Variants in JPT2 observed in about 807,000 individuals in gnomAD.
The protein encoded by JPT2 is Jupiter microtubule associated homolog 2.
Under a neutral mutation model 15.9 loss-of-function variants are expected in JPT2, and 9 were observed. The ratio of observed to expected loss-of-function variants is 0.57; its 90% CI spans 0.34 to 0.99. JPT2 has a LOEUF of 0.99. Among genes scored for constraint, JPT2 ranks in the 50% least tolerant of loss-of-function variants. JPT2 has a pLI of 0.02. For missense variants in JPT2, 267 were observed against 252.1 expected (o/e 1.06, Z -0.40); for synonymous variants, 95 against 91.7 (o/e 1.04, Z -0.21).
intron 2 of JPT2, among the ~76,000 whole-genome samples, chr16:1,687,828 C>T (rs1428934491): frequency 3.3e-5 from 5 of 152,182 alleles, no homozygotes; most frequent in African/African-American, 4.8e-5. Context: ...TTGTGTTCAC[C>T]ACCCAACGAG....
In JPT2 at chr16:1,700,013, T is replaced by A; in HGVS notation, c.*1015T>A. 3.0e-6 allele frequency: 1 copy of A among 333,942 alleles called. No homozygotes were observed. Among genetic ancestry groups the A allele is most frequent in the Non-Finnish European group, 6.3e-6 (1 of 157,836 alleles). 20.7% of individuals were successfully genotyped at this position (333,942 alleles called of 1,614,324 possible). A position where few individuals can be genotyped will look rare whatever the true frequency, so the allele number is the denominator to read the frequency against. On this transcript the variant is annotated 3_prime_UTR_variant, in exon 5 of 5. Coordinates refer to ENST00000248098, the MANE Select transcript of JPT2 (RefSeq NM_144570.3). ...TTTAATAATATCTAAAAAGCTAAATTTTAAATACCAGCTTTACATAAATGA... is the reference window on the plus strand; with the variant it reads ...TTTAATAATATCTAAAAAGCTAAATATTAAATACCAGCTTTACATAAATGA...
chr16:1,698,699 A>G lies in JPT2; in HGVS notation c.386-112A>G. 9.8e-7 allele frequency: 1 copy of G among 1,021,696 alleles called. No individual in the cohort carries two copies. The highest frequency in any genetic ancestry group is 1.4e-6 in the Non-Finnish European group (1 of 706,272). 63.3% of individuals were successfully genotyped at this position (1,021,696 alleles called of 1,614,324 possible). A position where few individuals can be genotyped will look rare whatever the true frequency, so the allele number is the denominator to read the frequency against. ...ATATTGTCTTCTCTTTCCCAGTTAC[A>G]GCATGAATTTCTTGCAGGTTGCTCT... On this transcript the variant is annotated intron_variant, in intron 4 of 4. Transcript: ENST00000248098. This position sits in a 1 kb window ranked among gnomAD's most constrained non-coding sequence, Gnocchi z 4.9.
chr16:1,687,120 C>G (rs2037072604), intron 2 of JPT2, among the ~76,000 whole-genome samples: 1 of 152,110 alleles, frequency 6.6e-6, no homozygotes, highest in South Asian at 2.1e-4. Flanking sequence ...GTGGCTGGGA[C>G]TACGGGCGTA....
intron 1 of JPT2, among the ~76,000 whole-genome samples, chr16:1,683,198 G>T (rs1176896007): frequency 6.6e-6 from 1 of 152,142 alleles, no homozygotes; most frequent in Admixed American, 6.5e-5. Context: ...GGATGGTCTC[G>T]ATCTCCTGAC....
rs564158723 is a variant in JPT2 at position 1,683,126 on chromosome 16, G to A, written c.45-2313G>A. Among the ~76,000 whole-genome samples, 522 of 152,092 alleles carry A rather than the reference G, an allele frequency of 3.4e-3. 1 individual carries two copies. Among genetic ancestry groups the A allele is most frequent in the African/African-American group, 0.012 (478 of 41,480 alleles). Reference sequence around the variant, plus strand: ...TGAGTAGCTGGGACTACAGGCGTCCGCCACCACGCCCGGCTAATTTTTTGT... The same window carrying A: ...TGAGTAGCTGGGACTACAGGCGTCCACCACCACGCCCGGCTAATTTTTTGT... On this transcript the variant is annotated intron_variant, in intron 1 of 4. Transcript: ENST00000248098.
intron 2 of JPT2, among the ~76,000 whole-genome samples, chr16:1,687,526 A>G (rs1596506759): frequency 6.6e-6 from 1 of 152,148 alleles, no homozygotes; most frequent in East Asian, 1.9e-4. Context: ...GCCCCTACTC[A>G]GCAGAGTCAT....
At chr16:1,682,118 G>C (rs2037027792) in intron 1 of JPT2, among the ~76,000 whole-genome samples, 1 of 152,224 alleles carries the variant, frequency 6.6e-6, no homozygotes, top group Non-Finnish European at 1.5e-5. Context: ...GCTCACGCCT[G>C]TAATCCCAGC....
At chr16:1,688,318 G>A (rs914268384) in intron 2 of JPT2, 2 of 152,172 alleles carry the variant, frequency 1.3e-5, no homozygotes, top group South Asian at 2.1e-4. Flanking sequence ...AGACCTAGCC[G>A]GTAGCAGTGC....
intron 3 of JPT2, among the ~76,000 whole-genome samples, chr16:1,695,013 G>A (rs1365446894): frequency 6.6e-6 from 1 of 152,218 alleles, no homozygotes; most frequent in Non-Finnish European, 1.5e-5. Context: ...TGTAATCCCA[G>A]TACTTTGGAA....
chr16:1,680,237 G>A (rs1212171038), intron 1 of JPT2: 2 of 720,304 alleles, frequency 2.8e-6, no homozygotes, highest in African/African-American at 1.9e-5. Flanking sequence ...TGTCCCAGTT[G>A]TGTGCATTTA....
At chr16:1,684,509 G>A (rs921953571) in intron 1 of JPT2, among the ~76,000 whole-genome samples, 11 of 152,122 alleles carry the variant, frequency 7.2e-5, no homozygotes, top group African/African-American at 2.4e-4. Context: ...GGGAGGCCGA[G>A]GCAGGTGGAT....
In JPT2 at chr16:1,698,897, C is replaced by T. The variant is rs1229854924; in HGVS notation, c.472C>T (p.Pro158Ser). 2 of 1,614,104 alleles carry T rather than the reference C, an allele frequency of 1.2e-6. No homozygotes were observed. The highest frequency in any genetic ancestry group is 4.5e-5 in the East Asian group (2 of 44,900). The change falls in exon 5 of 5, where the codon CCC becomes TCC. Residue 158 changes from proline (P) to serine (S), a missense_variant. Transcript: ENST00000248098. This position sits in a 1 kb window ranked among gnomAD's most constrained non-coding sequence, Gnocchi z 4.9. Reference protein sequence around the residue: ...AGPAKEQEPMPTVDSHEPRLG... With the variant: ...AGPAKEQEPMSTVDSHEPRLG... ...CCCCGCCAAGGAGCAGGAGCCCATG[C>T]CCACAGTCGACAGCCATGAGCCCCG...
rs1349554433 is a variant in JPT2 at position 1,698,958 on chromosome 16, T to G, written c.533T>G (p.Leu178Arg). The change falls in exon 5 of 5, where the codon CTG (leucine) becomes CGG (arginine). Residue 178 changes from leucine (L) to arginine (R), a missense_variant. By Grantham distance (102) the Leu-to-Arg change is moderately radical. Transcript: ENST00000248098. This position sits in a 1 kb window ranked among gnomAD's most constrained non-coding sequence, Gnocchi z 4.9. ...CGGCCTCGCTCTCACAACAAGGTCC[T>G]GAACCCACCGGGAGGCAAATCCAGC... is the stretch of plus-strand genomic sequence containing the variant. The part of the protein sequence containing the change: ...GPRPRSHNKV[L>R]NPPGGKSSIS... 1 of 1,613,656 alleles carries G rather than the reference T, an allele frequency of 6.2e-7. No individual in the cohort carries two copies. The highest frequency in any genetic ancestry group is 8.5e-7 in the Non-Finnish European group (1 of 1,179,840).
rs2037173893 is a variant in JPT2, at chr16:1,700,514, C to CA, written c.*1517dup. On this transcript the variant is annotated 3_prime_UTR_variant, in exon 5 of 5. Coordinates refer to ENST00000248098, the MANE Select transcript of JPT2 (RefSeq NM_144570.3). ...ATGTTCAGTCAGGCTCATGCTGCCT[C>CA]ACTGCTTAAGTGCCTGCAGGAGCCG... 1 of 193,976 alleles carries CA rather than the reference C, an allele frequency of 5.2e-6. No homozygotes were observed. Among genetic ancestry groups the CA allele is most frequent in the Admixed American group, 5.0e-5 (1 of 19,826 alleles). The allele number at this position is 193,976 out of a possible 1,614,324, so 12.0% of individuals were successfully genotyped here. A position where few individuals can be genotyped will look rare whatever the true frequency, so the allele number is the denominator to read the frequency against.
In JPT2 at chr16:1,685,690, G is replaced by C. The variant is rs926837860; in HGVS notation, c.193+103G>C. ...ATCCTTTCCCATATTGTCTGGTTCA[G>C]GTAATCACTTGTTATCAGAGTTCTT... On this transcript the variant is annotated intron_variant, in intron 2 of 4. Transcript: ENST00000248098. 4 of 1,239,752 alleles carry C rather than the reference G, an allele frequency of 3.2e-6. No individual in the cohort carries two copies. In the Admixed American group the frequency reaches 7.1e-5, roughly 22 times the overall value. 76.8% of individuals were successfully genotyped at this position (1,239,752 alleles called of 1,614,324 possible).
chr16:1,699,496 A>G lies in JPT2; in HGVS notation c.*498A>G, dbSNP rs1330613200. On this transcript the variant is annotated 3_prime_UTR_variant, in exon 5 of 5. Coordinates refer to ENST00000248098, the MANE Select transcript of JPT2 (RefSeq NM_144570.3). ...CCCCACTTCATTTTACCCCCAGCAT[A>G]TTGTTCTGTAGTCTTTTCTTGAAAC... 1.7e-5 allele frequency: 6 copies of G among 344,830 alleles called. No homozygotes were observed. The highest frequency in any genetic ancestry group is 3.5e-5 in the Non-Finnish European group (6 of 172,930). The allele number at this position is 344,830 out of a possible 1,614,324, so 21.4% of individuals were successfully genotyped here.
At chr16:1,683,061 C>T (rs2037036468) in intron 1 of JPT2, among the ~76,000 whole-genome samples, 1 of 152,194 alleles carries the variant, frequency 6.6e-6, no homozygotes, top group Admixed American at 6.5e-5. Flanking sequence ...ACTGCAAGCT[C>T]CGCCTCCCGG....
In JPT2 at chr16:1,698,441, GC is replaced by G. The variant is rs1323409694; in HGVS notation, c.386-367del. On this transcript the variant is annotated intron_variant, in intron 4 of 4. Coordinates refer to ENST00000248098, the MANE Select transcript of JPT2 (RefSeq NM_144570.3). The surrounding 1 kb of genome is among the most constrained non-coding windows in gnomAD (Gnocchi z 4.9). Reference sequence around the variant, plus strand: ...ACAGAGCCTGCCTTTGCCTTGCTAAGCCCTCACCTAGGATGCATTCCCTCGC... The same window carrying G: ...ACAGAGCCTGCCTTTGCCTTGCTAAGCCTCACCTAGGATGCATTCCCTCGC... Among the ~76,000 whole-genome samples, 1 of 152,158 alleles carries G rather than the reference GC, an allele frequency of 6.6e-6. No individual in the cohort carries two copies. Among genetic ancestry groups the G allele is most frequent in the Non-Finnish European group, 1.5e-5 (1 of 68,030 alleles).
chr16:1,698,667 C>A lies in JPT2; in HGVS notation c.386-144C>A. On this transcript the variant is annotated intron_variant, in intron 4 of 4. Transcript: ENST00000248098. This position sits in a 1 kb window ranked among gnomAD's most constrained non-coding sequence, Gnocchi z 4.9. ...AGTTGTTTTGGTACCAGATGAAAAGCCTGTCTATATTGTCTTCTCTTTCCC... is the reference window on the plus strand; with the variant it reads ...AGTTGTTTTGGTACCAGATGAAAAGACTGTCTATATTGTCTTCTCTTTCCC... 1.3e-6 allele frequency: 1 copy of A among 790,576 alleles called. No homozygotes were observed. Among genetic ancestry groups the A allele is most frequent in the Non-Finnish European group, 2.0e-6 (1 of 501,138 alleles). 49.0% of individuals were successfully genotyped at this position (790,576 alleles called of 1,614,324 possible).
Sources: gnomAD v4.1 joint callset for allele counts (sites outside exome capture counted in the v4.1 genomes callset) on GRCh38, gnomAD v4.1.1 for gene constraint, Gnocchi (gnomAD v3.1) non-coding constraint, MANE v1.5 for transcripts, NCBI Gene and HGNC (gene_info 2026-07-23, HGNC 2026-07-21) for gene names.